GFRA1: variants seen among roughly 807,000 people sequenced by gnomAD.
GFRA1 encodes GDNF family receptor alpha 1.
In GFRA1, 16 loss-of-function variants were observed where a neutral mutation model predicts 51.6. The observed-to-expected ratio is 0.31, with a 90% CI of 0.21 to 0.47. The LOEUF is 0.47. Among genes scored for constraint, GFRA1 ranks in the 20% least tolerant of loss-of-function variants. GFRA1 has a pLI of 1.00. For missense variants in GFRA1, 530 were observed against 594.3 expected, an observed-to-expected ratio of 0.89 and a Z score of 1.13; for synonymous variants, 270 against 241.3, an observed-to-expected ratio of 1.12 and a Z score of -1.10.
At chr10:116,097,768 T>C (rs1565573436) in intron 6 of GFRA1, among the ~76,000 whole-genome samples, 1 of 152,220 alleles carries the variant, frequency 6.6e-6, no homozygotes, top group African/African-American at 2.4e-5. Flanking sequence ...CTTCTGTCTT[T>C]AGCTCACCCC....
intron 4 of GFRA1, among the ~76,000 whole-genome samples, chr10:116,215,058 G>A (rs750089135): frequency 4.3e-4 from 66 of 152,108 alleles, no homozygotes; most frequent in Non-Finnish European, 7.2e-4. Context: ...AATTTTGCAC[G>A]TGAATTATCT....
chr10:116,091,623 T>C (rs1391523154), intron 8 of GFRA1, among the ~76,000 whole-genome samples: 5 of 152,178 alleles, frequency 3.3e-5, no homozygotes, highest in African/African-American at 1.2e-4. Flanking sequence ...AAACTAGAAA[T>C]AAACAATTGG....
intron 9 of GFRA1, among the ~76,000 whole-genome samples, chr10:116,070,545 C>A (rs7070834): frequency 1.3e-5 from 2 of 152,070 alleles, no homozygotes; most frequent in Non-Finnish European, 2.9e-5. Flanking sequence ...AGCAGAGGAA[C>A]CTGCTTCCAA....
intron 5 of GFRA1, among the ~76,000 whole-genome samples, chr10:116,155,518 A>G (rs1210013224): frequency 6.6e-6 from 1 of 152,344 alleles, no homozygotes; most frequent in Admixed American, 6.5e-5. Flanking sequence ...CACAACCCAG[A>G]ACAGATACAT....
At chr10:116,169,958 G>T (rs1960868546) in intron 5 of GFRA1, among the ~76,000 whole-genome samples, 1 of 152,170 alleles carries the variant, frequency 6.6e-6, no homozygotes, top group Non-Finnish European at 1.5e-5. Flanking sequence ...CTGTGGGCTG[G>T]TATGGGGGTT....
At chr10:116,101,708 G>A (rs1045432115) in intron 6 of GFRA1, among the ~76,000 whole-genome samples, 30 of 152,122 alleles carry the variant, frequency 2.0e-4, no homozygotes, top group African/African-American at 7.2e-4. Flanking sequence ...AACCCATCCT[G>A]GATTACCATA....
At chr10:116,074,671 C>T (rs1589765174) in intron 9 of GFRA1, among the ~76,000 whole-genome samples, 1 of 152,300 alleles carries the variant, frequency 6.6e-6, no homozygotes, top group South Asian at 2.1e-4. Context: ...AATGTCGACT[C>T]AGTGCCCACT....
intron 5 of GFRA1, among the ~76,000 whole-genome samples, chr10:116,202,002 A>T (rs547684281): frequency 1.4e-3 from 206 of 152,352 alleles, no homozygotes; most frequent in African/African-American, 4.6e-3. Flanking sequence ...TACGAGAAGC[A>T]TGTACATACA....
chr10:116,255,074 C>T (rs1340003501), intron 4 of GFRA1, among the ~76,000 whole-genome samples: 1 of 152,190 alleles, frequency 6.6e-6, no homozygotes, highest in Admixed American at 6.5e-5. Context: ...AAAAACAAGG[C>T]TGCCTGGGTC....
intron 9 of GFRA1, among the ~76,000 whole-genome samples, chr10:116,070,969 C>T (rs2133793999): frequency 6.6e-6 from 1 of 152,276 alleles, no homozygotes; most frequent in South Asian, 2.1e-4. Flanking sequence ...TGAATAATGT[C>T]CAGTAAAGTC....
chr10:116,267,182 C>T (rs1036753424), intron 4 of GFRA1, among the ~76,000 whole-genome samples: 3 of 152,052 alleles, frequency 2.0e-5, no homozygotes, highest in Admixed American at 6.6e-5. Flanking sequence ...AACTCCATTG[C>T]GGGCAGGCAC....
intron 5 of GFRA1, among the ~76,000 whole-genome samples, chr10:116,178,497 C>T (rs1395354535): frequency 6.6e-6 from 1 of 152,298 alleles, no homozygotes; most frequent in South Asian, 2.1e-4. Flanking sequence ...CTTCAAAAAT[C>T]GAATGTAGCA....
At chr10:116,221,567 G>C (rs776614109) in intron 4 of GFRA1, among the ~76,000 whole-genome samples, 1 of 152,134 alleles carries the variant, frequency 6.6e-6, no homozygotes, top group Admixed American at 6.5e-5. Flanking sequence ...TGGCATTACA[G>C]GCAGGTGCCA....
intron 5 of GFRA1, among the ~76,000 whole-genome samples, chr10:116,158,012 T>G (rs1959330487): frequency 6.6e-6 from 1 of 152,170 alleles, no homozygotes; most frequent in Admixed American, 6.5e-5. Flanking sequence ...AAGCCTTCCT[T>G]GAAGGAAGGT....
intron 6 of GFRA1, among the ~76,000 whole-genome samples, chr10:116,103,724 A>G (rs1170108949): frequency 6.6e-6 from 1 of 152,240 alleles, no homozygotes; most frequent in Admixed American, 6.5e-5. Context: ...AAAACACTGG[A>G]AAGGTAATTG....
At chr10:116,206,912 G>A (rs1490010859) in intron 5 of GFRA1, among the ~76,000 whole-genome samples, 4 of 152,172 alleles carry the variant, frequency 2.6e-5, no homozygotes, top group African/African-American at 9.6e-5. Context: ...GATTACAGGC[G>A]TGAGCCACCG....
intron 9 of GFRA1, among the ~76,000 whole-genome samples, chr10:116,086,190 A>G (rs1445170926): frequency 6.6e-6 from 1 of 152,196 alleles, no homozygotes. Flanking sequence ...GGCAAAGCAC[A>G]CAGAAGGTTT....
chr10:116,174,930 C>T (rs1961434233), intron 5 of GFRA1, among the ~76,000 whole-genome samples: 3 of 152,168 alleles, frequency 2.0e-5, no homozygotes, highest in Non-Finnish European at 2.9e-5. Flanking sequence ...ACCACCGTTC[C>T]TTATAACTGA....
At chr10:116,155,246 C>T (rs1959178726) in intron 5 of GFRA1, among the ~76,000 whole-genome samples, 1 of 152,076 alleles carries the variant, frequency 6.6e-6, no homozygotes, top group East Asian at 1.9e-4. Context: ...TGATGACTGG[C>T]GGAGCACAAT....
Sources: gnomAD v4.1 joint callset for allele counts (sites outside exome capture counted in the v4.1 genomes callset) on GRCh38, gnomAD v4.1.1 for gene constraint, MANE v1.5 for transcripts, NCBI Gene and HGNC (gene_info 2026-07-23, HGNC 2026-07-21) for gene names.